The following ZFHX3 variants were observed in gnomAD, a reference collection of about 807,000 sequenced individuals.
ZFHX3 encodes the protein zinc finger homeobox protein 3.
ZFHX3 carries 42 observed loss-of-function variants against 279.1 expected under a neutral mutation model. The observed-to-expected ratio is 0.15, with a 90% CI of 0.12 to 0.19. The LOEUF is 0.19. ZFHX3 is among the 10% of genes least tolerant of loss of function. ZFHX3 has a pLI of 1.00. For missense variants in ZFHX3, 4,981 were observed against 4,754.0 expected (o/e 1.05, Z -1.40); for synonymous variants, 2,293 against 1,957.8 (o/e 1.17, Z -4.52).
intron 2 of ZFHX3, among the ~76,000 whole-genome samples, chr16:73,586,426 A>AAAC (rs1188189681): frequency 3.3e-5 from 5 of 149,588 alleles, no homozygotes; most frequent in East Asian, 3.9e-4. Context: ...ACAAACAAAC[A>AAAC]AAAAAACATA....
intron 5 of ZFHX3, among the ~76,000 whole-genome samples, chr16:72,816,416 G>A (rs1349816553): frequency 6.6e-6 from 1 of 152,192 alleles, no homozygotes; most frequent in Non-Finnish European, 1.5e-5. Flanking sequence ...ATGCGCTATA[G>A]ATGACAAACT....
At chr16:73,711,950 C>T (rs1228108337) in intron 1 of ZFHX3, among the ~76,000 whole-genome samples, 11 of 152,224 alleles carry the variant, frequency 7.2e-5, no homozygotes, top group Admixed American at 2.6e-4. Flanking sequence ...TCTGGGAAAC[C>T]CTGAGCCCAA....
At chr16:73,054,338 A>T (rs1265551079) in intron 1 of ZFHX3, among the ~76,000 whole-genome samples, 1 of 151,748 alleles carries the variant, frequency 6.6e-6, no homozygotes, top group Non-Finnish European at 1.5e-5. Flanking sequence ...CAGGCAGGCG[A>T]GCGCCACCAG....
At chr16:73,687,022 A>G (rs1191976738) in intron 1 of ZFHX3, among the ~76,000 whole-genome samples, 3 of 25,454 alleles carry the variant, frequency 1.2e-4, no homozygotes, top group Non-Finnish European at 2.2e-4. Flanking sequence ...ATATATATAT[A>G]TATATATATA....
intron 4 of ZFHX3, among the ~76,000 whole-genome samples, chr16:73,277,666 G>A (rs1567437742): frequency 6.6e-6 from 1 of 152,280 alleles, no homozygotes; most frequent in East Asian, 1.9e-4. Flanking sequence ...ACTCATCTTT[G>A]AATTCATCTG....
Position 73,514,634 on chromosome 16 carries a change from G to A in ZFHX3, c.-1546-58376C>T, listed in dbSNP as rs117482010. ...ACCATCATAACTCTTTGAGATACGT[G>A]TTATTATTCATCTTACAAGTGACGA... On this transcript the variant is annotated intron_variant, in intron 2 of 17. Coordinates refer to the ZFHX3 transcript ENST00000641206. Among the ~76,000 whole-genome samples the A allele has an allele frequency of 4.9e-3, 748 of 152,312 alleles. 2 individuals carry two copies. The highest frequency in any genetic ancestry group is 7.6e-3 in the Non-Finnish European group (516 of 68,028).
intron 8 of ZFHX3, among the ~76,000 whole-genome samples, chr16:73,077,737 C>A (rs954314332): frequency 6.6e-6 from 1 of 152,188 alleles, no homozygotes; most frequent in Non-Finnish European, 1.5e-5. Context: ...GGGGTCAAGA[C>A]CAAAGACAGA....
At chr16:72,994,523 A>G (rs1230357954) in intron 1 of ZFHX3, among the ~76,000 whole-genome samples, 1 of 152,216 alleles carries the variant, frequency 6.6e-6, no homozygotes, top group Admixed American at 6.5e-5. Context: ...AAGGAACAAA[A>G]GTCATCGAGC....
rs574984656 is a variant in ZFHX3, at chr16:73,335,959, A to G, written c.-1290-17623T>C. 1.6e-4 allele frequency among the ~76,000 whole-genome samples: 25 copies of G among 152,314 alleles called. No homozygotes were observed. In the South Asian group the frequency reaches 4.4e-3, roughly 27 times the overall value. On this transcript the variant is annotated intron_variant, in intron 3 of 17. Coordinates refer to the ZFHX3 transcript ENST00000641206. ...GCCACATTTCTACAAACAGCACATC[A>G]CAGATTCTTTTTCTTCTAGTTCAAT...
At chr16:72,878,930 G>A (rs997828120) in intron 4 of ZFHX3, among the ~76,000 whole-genome samples, 2 of 152,192 alleles carry the variant, frequency 1.3e-5, no homozygotes, top group Non-Finnish European at 2.9e-5. Context: ...GGAACCTAGC[G>A]ACATGAGACA....
At chr16:73,459,193 C>A (rs1214910740) in intron 2 of ZFHX3, among the ~76,000 whole-genome samples, 3 of 152,186 alleles carry the variant, frequency 2.0e-5, no homozygotes, top group Non-Finnish European at 4.4e-5. Context: ...TAAAAACTAA[C>A]CTTTTTATTT....
intron 1 of ZFHX3, among the ~76,000 whole-genome samples, chr16:73,746,500 T>C (rs949032691): frequency 6.6e-6 from 1 of 152,228 alleles, no homozygotes; most frequent in African/African-American, 2.4e-5. Flanking sequence ...AGAGTCATCT[T>C]CCAGGGCCAA....
intron 1 of ZFHX3, among the ~76,000 whole-genome samples, chr16:72,982,550 C>A (rs1336331612): frequency 6.6e-6 from 1 of 152,170 alleles, no homozygotes; most frequent in African/African-American, 2.4e-5. Context: ...GCCAAAGACC[C>A]AAAGGAGGTA....
At chr16:73,789,393 G>A (rs1407703705) in intron 1 of ZFHX3, among the ~76,000 whole-genome samples, 1 of 151,982 alleles carries the variant, frequency 6.6e-6, no homozygotes, top group Non-Finnish European at 1.5e-5. Flanking sequence ...TGTTAGCCAG[G>A]ATGGTCTCTA....
chr16:73,269,180 T>C (rs1018902535), intron 4 of ZFHX3, among the ~76,000 whole-genome samples: 1 of 152,212 alleles, frequency 6.6e-6, no homozygotes, highest in Non-Finnish European at 1.5e-5. Context: ...GAAAAATAAC[T>C]TACATTCAGG....
intron 4 of ZFHX3, among the ~76,000 whole-genome samples, chr16:73,291,489 T>G (rs1228762299): frequency 1.3e-5 from 2 of 152,226 alleles, no homozygotes; most frequent in African/African-American, 4.8e-5. Context: ...TCCCACATTC[T>G]GGCAGAAAGA....
At chr16:72,975,024 G>A (rs1202218498) in intron 1 of ZFHX3, among the ~76,000 whole-genome samples, 1 of 152,150 alleles carries the variant, frequency 6.6e-6, no homozygotes, top group Admixed American at 6.5e-5. Context: ...CTCTTTCTTA[G>A]GGTAAAGTGA....
At position 72,796,919 on chromosome 16, in the gene ZFHX3, C is replaced by T; in HGVS notation, c.5763G>A (p.Leu1921=). The T allele has an allele frequency of 6.2e-7, 1 of 1,613,912 alleles. No individual in the cohort carries two copies. Among genetic ancestry groups the T allele is most frequent in the Non-Finnish European group, 8.5e-7 (1 of 1,179,984 alleles). The change falls in exon 9 of 10, where the codon TTG becomes TTA. Residue 1921 remains leucine (L), a synonymous_variant. Coordinates refer to ENST00000268489, the MANE Select transcript of ZFHX3 (RefSeq NM_006885.4). ...DALKAKEKKE[L]APGGGSEPSM... ...AAGGCTCAGAACCACCCCCTGGTGC[C>T]AACTCTTTCTTCTCTTTGGCCTTCA...
intron 5 of ZFHX3, among the ~76,000 whole-genome samples, chr16:73,248,830 T>A (rs377674546): frequency 6.6e-6 from 1 of 152,116 alleles, no homozygotes; most frequent in South Asian, 2.1e-4. Flanking sequence ...TTGAAAAACA[T>A]GTTTTTATTC....
Sources: gnomAD v4.1 joint callset for allele counts (sites outside exome capture counted in the v4.1 genomes callset) on GRCh38, gnomAD v4.1.1 for gene constraint, MANE v1.5 for transcripts, NCBI Gene and HGNC (gene_info 2026-07-23, HGNC 2026-07-21) for gene names.